Variants in DNAAF9 observed in about 807,000 individuals in gnomAD.
The protein encoded by DNAAF9 is dynein axonemal assembly factor 9, also known as shulin.
DNAAF9 carries 90 observed loss-of-function variants against 167.0 expected under a neutral mutation model. The ratio of observed to expected loss-of-function variants is 0.54; its 90% CI spans 0.45 to 0.64. The LOEUF (loss-of-function observed/expected upper bound fraction) is 0.64. DNAAF9 is among the 30% of genes least tolerant of loss of function. The pLI, the probability that DNAAF9 is intolerant of heterozygous loss-of-function variation, is 0.00. For synonymous variants in DNAAF9, 491 were observed against 508.8 expected (o/e 0.96, Z 0.47); for missense variants, 1,315 against 1,442.2 (o/e 0.91, Z 1.43).
chr20:3,401,439 A>G (rs2083982431), intron 1 of DNAAF9, among the ~76,000 whole-genome samples: 1 of 152,040 alleles, frequency 6.6e-6, no homozygotes, highest in Middle Eastern at 3.2e-3. Flanking sequence ...ACCTCAGGTG[A>G]TCCACCCACC....
intron 7 of DNAAF9, among the ~76,000 whole-genome samples, chr20:3,358,134 C>T (rs771826963): frequency 3.3e-5 from 5 of 151,822 alleles, no homozygotes; most frequent in Non-Finnish European, 7.4e-5. Flanking sequence ...CTCAAGGCCA[C>T]CCTGCATTTT....
At chr20:3,287,304 A>C (rs2068868519) in intron 27 of DNAAF9, among the ~76,000 whole-genome samples, 1 of 152,168 alleles carries the variant, frequency 6.6e-6, no homozygotes, top group African/African-American at 2.4e-5. Flanking sequence ...AAACAGATGA[A>C]GCTCCCTTAT....
chr20:3,332,205 G>T, intron 11 of DNAAF9, 75 bp downstream of exon 11: 1 of 802,354 alleles, frequency 1.2e-6, no homozygotes, highest in Non-Finnish European at 2.1e-6. Context: ...GTAGTGAATT[G>T]TATGTCAACT....
chr20:3,298,393 G>C (rs1201540305), intron 21 of DNAAF9, among the ~76,000 whole-genome samples: 4 of 152,158 alleles, frequency 2.6e-5, no homozygotes, highest in Non-Finnish European at 5.9e-5. Context: ...CCAGGCTAGA[G>C]TGTGATGGCT....
intron 30 of DNAAF9, among the ~76,000 whole-genome samples, chr20:3,269,373 G>GT (rs1465720980): frequency 6.6e-6 from 1 of 151,830 alleles, no homozygotes; most frequent in Non-Finnish European, 1.5e-5. Flanking sequence ...CATGCTGGCT[G>GT]TTTTTTTAAA....
At chr20:3,391,578 CT>C (rs34396355) in intron 1 of DNAAF9, among the ~76,000 whole-genome samples, 57 of 120,932 alleles carry the variant, frequency 4.7e-4, no homozygotes, top group Non-Finnish European at 6.6e-4. Context: ...TTTTTTCCTT[CT>C]TTTTTTTTTT....
chr20:3,299,311 G>A (rs2069141869), intron 21 of DNAAF9, among the ~76,000 whole-genome samples: 1 of 151,880 alleles, frequency 6.6e-6, no homozygotes. Context: ...CACCTTTTTT[G>A]TTTGTTGTTT....
chr20:3,349,295 T>C (rs971694845), intron 7 of DNAAF9, among the ~76,000 whole-genome samples: 14 of 151,014 alleles, frequency 9.3e-5, no homozygotes, highest in Non-Finnish European at 1.6e-4. Context: ...GGCGGGAGGA[T>C]TGCTTGAGCC....
Position 3,336,882 on chromosome 20 carries a change from CTTT to C in DNAAF9, c.981+3619_981+3621del, listed in dbSNP as rs34461289. ...AAATCTCAATTTGGTTTTCCTTTTT[CTTT>C]TTTTTTTTTTTTTGAGATGGAGTCT... On this transcript the variant is annotated intron_variant, in intron 10 of 36. Transcript: ENST00000252032. Among the ~76,000 whole-genome samples the C allele has an allele frequency of 9.3e-3, 1,245 of 133,894 alleles. 15 individuals are homozygous for C. Among genetic ancestry groups the C allele is most frequent in the African/African-American group, 0.033 (1,192 of 36,402 alleles). The allele number at this position is 133,894 out of a possible 152,430, so 87.8% of individuals were successfully genotyped here.
chr20:3,264,857 C>T (rs1446611335), intron 30 of DNAAF9, among the ~76,000 whole-genome samples: 1 of 152,192 alleles, frequency 6.6e-6, no homozygotes, highest in East Asian at 1.9e-4. Flanking sequence ...CATGAGCCAC[C>T]GAGCCCGGCC....
chr20:3,281,304 C>T lies in DNAAF9; in HGVS notation c.2612+337G>A, dbSNP rs2068760456. Among the ~76,000 whole-genome samples the T allele has an allele frequency of 1.3e-5, 2 of 151,054 alleles. 1 individual carries two copies. The highest frequency in any genetic ancestry group is 1.3e-4 in the Admixed American group (2 of 15,248). On this transcript the variant is annotated intron_variant, in intron 28 of 36. Coordinates refer to ENST00000252032, the MANE Select transcript of DNAAF9 (RefSeq NM_001009984.3). Reference sequence around the variant, plus strand: ...TTGGCCTCCCAAAGTGCTGGGATTACAGGCATGAGCCACCGCACCTGGCCT... The same window carrying T: ...TTGGCCTCCCAAAGTGCTGGGATTATAGGCATGAGCCACCGCACCTGGCCT...
At position 3,296,196 on chromosome 20, in the gene DNAAF9, G is replaced by A; in HGVS notation, c.2018+665C>T. On this transcript the variant is annotated intron_variant, in intron 23 of 36. Transcript: ENST00000252032. ...AAGCGGGAGGATAACCTGAGCCTAG[G>A]AGGTCAAGGCTGCAGTGAGCCAGGA... 1.6e-5 allele frequency: 9 copies of A among 551,756 alleles called. 1 individual carries two copies. Among genetic ancestry groups the A allele is most frequent in the Admixed American group, 1.5e-4 (8 of 52,294 alleles). 34.2% of individuals were successfully genotyped at this position (551,756 alleles called of 1,614,324 possible).
At chr20:3,282,164 A>G (rs890294439) in intron 27 of DNAAF9, among the ~76,000 whole-genome samples, 1 of 152,174 alleles carries the variant, frequency 6.6e-6, no homozygotes, top group African/African-American at 2.4e-5. Flanking sequence ...CAGAACACAC[A>G]GGCAAGAGAG....
At chr20:3,376,082 C>G (rs2083571156) in intron 4 of DNAAF9, 96 bp downstream of exon 4, 3 of 1,133,292 alleles carry the variant, frequency 2.6e-6, no homozygotes, top group Non-Finnish European at 3.8e-6. Context: ...TAGTCACACT[C>G]TGCAATTTGA....
At chr20:3,352,208 C>T (rs558333883) in intron 7 of DNAAF9, among the ~76,000 whole-genome samples, 11 of 152,216 alleles carry the variant, frequency 7.2e-5, no homozygotes, top group Non-Finnish European at 5.9e-5. Context: ...TATAGAAATG[C>T]GCATGTACTT....
chr20:3,343,767 C>G, intron 8 of DNAAF9, 36 bp from the exon 9 acceptor site: 1 of 1,539,622 alleles, frequency 6.5e-7, no homozygotes. Context: ...ATTAAGAACA[C>G]AATTTGGTAA....
At chr20:3,387,507 C>T (rs2083760775) in intron 1 of DNAAF9, among the ~76,000 whole-genome samples, 1 of 152,064 alleles carries the variant, frequency 6.6e-6, no homozygotes, top group South Asian at 2.1e-4. Context: ...GTATCAAAGA[C>T]CTAAACATAA....
intron 12 of DNAAF9, among the ~76,000 whole-genome samples, chr20:3,328,394 T>A (rs1016910471): frequency 1.3e-5 from 2 of 151,958 alleles, no homozygotes; most frequent in African/African-American, 4.8e-5. Flanking sequence ...CTTGGCCAGG[T>A]TGGTTTCGAA....
At chr20:3,255,115 T>C (rs1568558651) in intron 35 of DNAAF9, 104 bp downstream of exon 35, 4 of 691,712 alleles carry the variant, frequency 5.8e-6, no homozygotes, top group South Asian at 1.7e-5. Flanking sequence ...ACCTCCAGCA[T>C]GTCCTACAAA....
Sources: gnomAD v4.1 joint callset for allele counts (sites outside exome capture counted in the v4.1 genomes callset) on GRCh38, gnomAD v4.1.1 for gene constraint, MANE v1.5 for transcripts, NCBI Gene and HGNC (gene_info 2026-07-23, HGNC 2026-07-21) for gene names.